Variants in RPS6KC1 observed in about 807,000 individuals in gnomAD.
RPS6KC1 encodes ribosomal protein S6 kinase C1, also known as inactive ribosomal protein S6 kinase delta-1.
Under a neutral mutation model 103.8 loss-of-function variants are expected in RPS6KC1, and 54 were observed. The observed-to-expected ratio is 0.52, with a 90% CI of 0.42 to 0.65. The LOEUF (loss-of-function observed/expected upper bound fraction) is 0.65, where lower values mean the gene tolerates loss of function less well. Among genes scored for constraint, RPS6KC1 ranks in the 30% least tolerant of loss-of-function variants. RPS6KC1 has a pLI of 0.00. For synonymous variants in RPS6KC1, 439 were observed against 438.7 expected (o/e 1.00, Z -0.01); for missense variants, 1,151 against 1,253.8 (o/e 0.92, Z 1.24).
the RPS6KC1 span, among the ~76,000 whole-genome samples, chr1:213,598,651 C>CT: frequency 6.6e-6 from 1 of 152,118 alleles, no homozygotes; most frequent in East Asian, 1.9e-4. Context: ...GGTGTGGTGG[C>CT]TCACACCTGT....
At chr1:213,339,277 A>AAAATAAAT in the RPS6KC1 span, among the ~76,000 whole-genome samples, 3 of 152,164 alleles carry the variant, frequency 2.0e-5, no homozygotes, top group South Asian at 2.1e-4. Context: ...AAAAAATAAG[A>AAAATAAAT]AAATAAATAA....
the RPS6KC1 span, among the ~76,000 whole-genome samples, chr1:213,779,007 C>G: frequency 1.3e-5 from 2 of 152,104 alleles, no homozygotes; most frequent in Non-Finnish European, 2.9e-5. Context: ...GTGGTGACCT[C>G]CATTCTCTTC....
the RPS6KC1 span, among the ~76,000 whole-genome samples, chr1:213,372,269 T>C: frequency 1.2e-4 from 18 of 152,322 alleles, no homozygotes; most frequent in African/African-American, 4.1e-4. Context: ...ACAGGGCACC[T>C]GAAAATGGTT....
chr1:213,624,364 T>C, the RPS6KC1 span, among the ~76,000 whole-genome samples: 1 of 152,188 alleles, frequency 6.6e-6, no homozygotes. Context: ...TAGAATCCAG[T>C]TGAGCAAGCT....
chr1:213,697,601 C>G, the RPS6KC1 span, among the ~76,000 whole-genome samples: 20 of 152,286 alleles, frequency 1.3e-4, no homozygotes, highest in African/African-American at 3.8e-4. Flanking sequence ...TGGTGTGAAG[C>G]CTTACCAGAG....
At chr1:213,162,084 T>G (rs534818917) in intron 6 of RPS6KC1, among the ~76,000 whole-genome samples, 2 of 152,224 alleles carry the variant, frequency 1.3e-5, no homozygotes, top group East Asian at 3.8e-4. Context: ...AGGAAAAATT[T>G]TAGTTCCTTA....
chr1:213,834,709 T>TACACAC, the RPS6KC1 span, among the ~76,000 whole-genome samples: 1 of 149,178 alleles, frequency 6.7e-6, no homozygotes, highest in Non-Finnish European at 1.5e-5. Flanking sequence ...CACACACACG[T>TACACAC]ACACACACAC....
At chr1:213,073,905 A>T (rs1023313112) in intron 2 of RPS6KC1, among the ~76,000 whole-genome samples, 1 of 152,066 alleles carries the variant, frequency 6.6e-6, no homozygotes, top group Non-Finnish European at 1.5e-5. Context: ...CAAACTCCTG[A>T]CCTCAGGCGA....
chr1:213,773,149 T>C, the RPS6KC1 span, among the ~76,000 whole-genome samples: 39 of 151,892 alleles, frequency 2.6e-4, no homozygotes, highest in South Asian at 7.7e-3. Context: ...CAGGCAGAGG[T>C]GGATGCAGAA....
intron 6 of RPS6KC1, among the ~76,000 whole-genome samples, chr1:213,152,025 C>A (rs1262454145): frequency 7.1e-6 from 1 of 140,790 alleles, no homozygotes. Context: ...CCCCTCACCT[C>A]CCGGACGGGG....
At chr1:213,668,765 A>G in the RPS6KC1 span, among the ~76,000 whole-genome samples, 5 of 152,190 alleles carry the variant, frequency 3.3e-5, no homozygotes, top group Admixed American at 3.3e-4. Context: ...AGCTACCTTC[A>G]TCAATGATCC....
chr1:213,573,652 C>CAA, the RPS6KC1 span, among the ~76,000 whole-genome samples: 1 of 152,180 alleles, frequency 6.6e-6, no homozygotes, highest in Non-Finnish European at 1.5e-5. Flanking sequence ...TTTCCTGGAA[C>CAA]AAAACCCAGT....
At chr1:213,390,534 G>C in the RPS6KC1 span, among the ~76,000 whole-genome samples, 1 of 152,214 alleles carries the variant, frequency 6.6e-6, no homozygotes, top group East Asian at 1.9e-4. Context: ...ATCGGACTAA[G>C]AGTTTGCTAT....
At chr1:213,501,613 T>G in the RPS6KC1 span, among the ~76,000 whole-genome samples, 2 of 151,804 alleles carry the variant, frequency 1.3e-5, no homozygotes, top group Non-Finnish European at 2.9e-5. Flanking sequence ...TGAGCACACG[T>G]AATCCCAGCT....
chr1:213,363,796 T>C, the RPS6KC1 span, among the ~76,000 whole-genome samples: 41 of 112,158 alleles, frequency 3.7e-4, 7 homozygotes, highest in Non-Finnish European at 3.3e-4. Flanking sequence ...CTTTCTTTCT[T>C]TCTTTCTTTC....
the RPS6KC1 span, among the ~76,000 whole-genome samples, chr1:213,512,210 T>C: frequency 1.3e-5 from 2 of 152,248 alleles, no homozygotes; most frequent in African/African-American, 4.8e-5. Context: ...AATGTCCCTG[T>C]TCCTTGTGTC....
chr1:213,748,048 C>T, the RPS6KC1 span, among the ~76,000 whole-genome samples: 1 of 152,156 alleles, frequency 6.6e-6, no homozygotes, highest in Non-Finnish European at 1.5e-5. Flanking sequence ...AGGTGGGTTA[C>T]AAAGATGCCT....
chr1:213,658,938 G>A, the RPS6KC1 span, among the ~76,000 whole-genome samples: 1 of 152,052 alleles, frequency 6.6e-6, no homozygotes, highest in African/African-American at 2.4e-5. Context: ...AGATCACTCT[G>A]CTGATATTCT....
At chr1:213,579,203 C>T in the RPS6KC1 span, among the ~76,000 whole-genome samples, 1 of 152,092 alleles carries the variant, frequency 6.6e-6, no homozygotes, top group African/African-American at 2.4e-5. Context: ...TCCACCATGA[C>T]TGTGAGGCCT....
Sources: gnomAD v4.1 joint callset for allele counts (sites outside exome capture counted in the v4.1 genomes callset) on GRCh38, gnomAD v4.1.1 for gene constraint, MANE v1.5 for transcripts, NCBI Gene and HGNC (gene_info 2026-07-23, HGNC 2026-07-21) for gene names.